TINAG: variants seen among roughly 807,000 people sequenced by gnomAD.
TINAG encodes the protein tubulointerstitial nephritis antigen.
Under a neutral mutation model 72.7 loss-of-function variants are expected in TINAG, and 83 were observed. The observed-to-expected ratio is 1.14, with a 90% CI of 0.96 to 1.37. The LOEUF is 1.37. TINAG is among the 40% of genes most tolerant of loss of function. The pLI is 0.00. For synonymous variants in TINAG, 234 were observed against 189.9 expected (o/e 1.23, Z -1.91); for missense variants, 685 against 576.6 (o/e 1.19, Z -1.93).
intron 1 of TINAG, among the ~76,000 whole-genome samples, chr6:54,312,578 C>T (rs181888498): frequency 6.6e-5 from 10 of 151,852 alleles, no homozygotes; most frequent in African/African-American, 2.4e-4. Flanking sequence ...ATTTGTTATG[C>T]TTTAAGAGAA....
intron 5 of TINAG, among the ~76,000 whole-genome samples, 159 bp downstream of exon 5, chr6:54,343,508 T>C (rs1785049779): frequency 3.3e-5 from 5 of 151,118 alleles, no homozygotes; most frequent in Admixed American, 2.6e-4. Context: ...GAAGATTATA[T>C]AAAAAATCCA....
chr6:54,382,281 C>CT (rs968506871), intron 10 of TINAG, among the ~76,000 whole-genome samples: 106 of 152,048 alleles, frequency 7.0e-4, no homozygotes, highest in African/African-American at 2.3e-3. Flanking sequence ...TTAATTGAGG[C>CT]TTTTTTCTCT....
chr6:54,331,995 A>G (rs1189878111), intron 4 of TINAG, among the ~76,000 whole-genome samples: 1 of 152,036 alleles, frequency 6.6e-6, no homozygotes, highest in African/African-American at 2.4e-5. Context: ...CCATGCTCAT[A>G]TGCTCATGGA....
chr6:54,327,061 T>G (rs998283481), intron 4 of TINAG, 145 bp downstream of exon 4: 1 of 1,543,758 alleles, frequency 6.5e-7, no homozygotes, highest in Non-Finnish European at 8.7e-7. Flanking sequence ...ACCCTTTCCC[T>G]AAATGGTTGT....
chr6:54,320,829 C>A (rs1784474220), intron 2 of TINAG, among the ~76,000 whole-genome samples, 187 bp downstream of exon 2: 1 of 152,104 alleles, frequency 6.6e-6, no homozygotes. Flanking sequence ...AAAATTTAAT[C>A]ATGAATATCT....
intron 8 of TINAG, among the ~76,000 whole-genome samples, chr6:54,354,024 T>A (rs1785330642): frequency 6.6e-6 from 1 of 151,850 alleles, no homozygotes; most frequent in Admixed American, 6.6e-5. Flanking sequence ...TCTGTCAAAG[T>A]TTTATTTTGC....
intron 9 of TINAG, among the ~76,000 whole-genome samples, chr6:54,372,939 GC>G (rs1466784959): frequency 6.6e-6 from 1 of 151,682 alleles, no homozygotes; most frequent in Non-Finnish European, 1.5e-5. Context: ...CCAAGTCTGA[GC>G]CACAATAAAA....
At chr6:54,368,388 C>T (rs1162848824) in intron 9 of TINAG, among the ~76,000 whole-genome samples, 3 of 147,656 alleles carry the variant, frequency 2.0e-5, no homozygotes, top group African/African-American at 4.9e-5. Context: ...TATTATTATA[C>T]ATTATTAAAT....
At chr6:54,373,604 G>A (rs1359982327) in intron 9 of TINAG, among the ~76,000 whole-genome samples, 1 of 152,088 alleles carries the variant, frequency 6.6e-6, no homozygotes, top group East Asian at 1.9e-4. Context: ...ATTAGAGTCT[G>A]ATTGGTTTTG....
In TINAG at chr6:54,390,073, A is replaced by G. The variant is rs1764206194; in HGVS notation, c.*148A>G. The G allele has an allele frequency of 2.8e-6, 3 of 1,075,974 alleles. No individual in the cohort carries two copies. Among genetic ancestry groups the G allele is most frequent in the Non-Finnish European group, 2.6e-6 (2 of 765,356 alleles). 66.7% of individuals were successfully genotyped at this position (1,075,974 alleles called of 1,614,324 possible). A position where few individuals can be genotyped will look rare whatever the true frequency, so the allele number is the denominator to read the frequency against. On this transcript the variant is annotated 3_prime_UTR_variant, in exon 11 of 11. Coordinates refer to ENST00000259782, the MANE Select transcript of TINAG (RefSeq NM_014464.4). ...ATTTTCTTATTTTCCCCTCTGGTCT[A>G]TGCTTCTGCTTCCTTCATATTACTG...
At chr6:54,327,206 A>C in intron 4 of TINAG, 1 of 1,527,020 alleles carries the variant, frequency 6.5e-7, no homozygotes, top group South Asian at 1.2e-5. Flanking sequence ...TCCCAGCGAG[A>C]CCAACGTAGA....
rs571344707 is a variant in TINAG at position 54,312,446 on chromosome 6, G to T, written c.355+3541G>T. Among the ~76,000 whole-genome samples the T allele has an allele frequency of 3.3e-5, 5 of 152,150 alleles. No individual in the cohort carries two copies. The South Asian group carries it at 1.0e-3, about 32-fold the overall frequency. On this transcript the variant is annotated intron_variant, in intron 1 of 10. Coordinates refer to ENST00000259782, the MANE Select transcript of TINAG (RefSeq NM_014464.4). Reference sequence around the variant, plus strand: ...AAATGTATTTATTTATCACAGTAAAGCTGTCTACACCAGAACTCCAAAGTA... The same window carrying T: ...AAATGTATTTATTTATCACAGTAAATCTGTCTACACCAGAACTCCAAAGTA...
intron 9 of TINAG, among the ~76,000 whole-genome samples, chr6:54,371,612 A>G (rs1763610522): frequency 6.6e-6 from 1 of 151,830 alleles, no homozygotes; most frequent in East Asian, 1.9e-4. Context: ...TTGATTTCAC[A>G]GGTAGATGAA....
chr6:54,312,614 G>T (rs916184848), intron 1 of TINAG, among the ~76,000 whole-genome samples: 1 of 152,020 alleles, frequency 6.6e-6, no homozygotes, highest in Non-Finnish European at 1.5e-5. Context: ...AGTCTGAAGA[G>T]AATAAAGTAA....
chr6:54,387,866 ATAAGAT>A (rs1478964812), intron 10 of TINAG, among the ~76,000 whole-genome samples: 2 of 152,168 alleles, frequency 1.3e-5, no homozygotes, highest in East Asian at 3.8e-4. Flanking sequence ...AGTAGGAAGA[ATAAGAT>A]TAATAAACAA....
intron 4 of TINAG, among the ~76,000 whole-genome samples, chr6:54,333,786 C>A (rs1784799860): frequency 6.6e-6 from 1 of 152,032 alleles, no homozygotes; most frequent in Non-Finnish European, 1.5e-5. Flanking sequence ...TTTACCTAAA[C>A]ACAGTTATTT....
intron 9 of TINAG, chr6:54,370,084 A>G (rs1763558606): frequency 6.6e-6 from 1 of 152,034 alleles, no homozygotes; most frequent in South Asian, 2.1e-4. Flanking sequence ...CTGAGATGTC[A>G]AATAAAACCA....
intron 5 of TINAG, 123 bp downstream of exon 5, chr6:54,343,472 C>T: frequency 1.0e-6 from 1 of 989,098 alleles, no homozygotes; most frequent in Non-Finnish European, 1.3e-6. Context: ...CAAATAAAAT[C>T]TCATTATGAT....
chr6:54,317,814 C>T (rs528887813), intron 1 of TINAG, among the ~76,000 whole-genome samples: 1 of 152,174 alleles, frequency 6.6e-6, no homozygotes, highest in African/African-American at 2.4e-5. Flanking sequence ...TATTCCAAGT[C>T]TCTCATCAAC....
Sources: gnomAD v4.1 joint callset for allele counts (sites outside exome capture counted in the v4.1 genomes callset) on GRCh38, gnomAD v4.1.1 for gene constraint, MANE v1.5 for transcripts, NCBI Gene and HGNC (gene_info 2026-07-23, HGNC 2026-07-21) for gene names.